Variants in PAN3 observed in about 807,000 individuals in gnomAD.
PAN3 encodes PAN2-PAN3 deadenylation complex subunit PAN3.
A neutral mutation model predicts 96.2 loss-of-function variants in PAN3; 19 were observed. The ratio of observed to expected loss-of-function variants is 0.20; its 90% CI spans 0.14 to 0.29. PAN3 has a LOEUF of 0.29. Among genes scored for constraint, PAN3 ranks in the 10% least tolerant of loss-of-function variants. The pLI is 1.00. For missense variants in PAN3, 882 were observed against 1,108.1 expected (o/e 0.80, Z 2.90); for synonymous variants, 433 against 406.6 (o/e 1.06, Z -0.78).
intron 1 of PAN3, among the ~76,000 whole-genome samples, chr13:28,156,992 CAAAA>C (rs35448291): frequency 6.5e-4 from 12 of 18,448 alleles, no homozygotes; most frequent in Non-Finnish European, 7.8e-4. Context: ...GAGACCCTGT[CAAAA>C]AAAAAAAAAA....
At chr13:28,200,713 T>A (rs1004087484) in intron 5 of PAN3, among the ~76,000 whole-genome samples, 2 of 152,206 alleles carry the variant, frequency 1.3e-5, no homozygotes, top group African/African-American at 4.8e-5. Flanking sequence ...AAGCTTAAAA[T>A]TTTTCTTAAT....
chr13:28,140,718 C>T (rs990771341), intron 1 of PAN3, among the ~76,000 whole-genome samples: 60 of 150,666 alleles, frequency 4.0e-4, no homozygotes, highest in Admixed American at 2.6e-3. Context: ...TCCTTTCTCT[C>T]TTCTTTCTTT....
At chr13:28,224,812 C>T (rs191252828) in intron 6 of PAN3, among the ~76,000 whole-genome samples, 6 of 152,100 alleles carry the variant, frequency 3.9e-5, no homozygotes, top group East Asian at 1.9e-4. Flanking sequence ...TTTGTAGAGA[C>T]GAGTTCTCAC....
chr13:28,161,336 G>A (rs1051561510), intron 1 of PAN3, among the ~76,000 whole-genome samples: 7 of 151,976 alleles, frequency 4.6e-5, no homozygotes, highest in African/African-American at 1.7e-4. Flanking sequence ...CTTAGCTTTT[G>A]GTTTGCTGAC....
chr13:28,194,264 C>G (rs1877690442), intron 4 of PAN3, among the ~76,000 whole-genome samples: 1 of 151,174 alleles, frequency 6.6e-6, no homozygotes, highest in East Asian at 1.9e-4. Flanking sequence ...GATATATGAC[C>G]TGGAATTTAG....
chr13:28,220,954 A>C (rs1033490216), intron 6 of PAN3, among the ~76,000 whole-genome samples: 2 of 152,110 alleles, frequency 1.3e-5, no homozygotes, highest in Non-Finnish European at 2.9e-5. Context: ...TCTGCCCATA[A>C]TGTACCCATA....
At chr13:28,161,129 T>G (rs1021249933) in intron 1 of PAN3, among the ~76,000 whole-genome samples, 4 of 152,250 alleles carry the variant, frequency 2.6e-5, no homozygotes, top group African/African-American at 9.6e-5. Context: ...TGAAATATTT[T>G]TATTAACCTG....
chr13:28,149,198 TAA>T (rs548714425), intron 1 of PAN3, among the ~76,000 whole-genome samples: 1 of 151,600 alleles, frequency 6.6e-6, no homozygotes, highest in Non-Finnish European at 1.5e-5. Flanking sequence ...CTACTAAAAA[TAA>T]AAAAAATTAG....
intron 6 of PAN3, among the ~76,000 whole-genome samples, chr13:28,220,649 ATCTT>A (rs1331696649): frequency 6.6e-6 from 1 of 152,152 alleles, no homozygotes; most frequent in Admixed American, 6.5e-5. Flanking sequence ...GAAAAAATCT[ATCTT>A]TTTGTATTTC....
intron 17 of PAN3, among the ~76,000 whole-genome samples, chr13:28,282,270 G>A (rs751862748): frequency 6.6e-6 from 1 of 151,680 alleles, no homozygotes; most frequent in Non-Finnish European, 1.5e-5. Flanking sequence ...ATATACGTAA[G>A]TTACATTTCA....
At chr13:28,193,720 G>C (rs998470594) in intron 4 of PAN3, among the ~76,000 whole-genome samples, 2 of 129,526 alleles carry the variant, frequency 1.5e-5, no homozygotes, top group African/African-American at 5.9e-5. Context: ...TCCAGCCTGG[G>C]AGTGAGACCC....
intron 14 of PAN3, among the ~76,000 whole-genome samples, chr13:28,274,143 A>G (rs373339245): frequency 2.4e-4 from 37 of 152,276 alleles, no homozygotes; most frequent in African/African-American, 8.4e-4. Flanking sequence ...TCTAGTGGGC[A>G]ACACAGGGAG....
At chr13:28,243,357 G>A (rs1883857902) in intron 6 of PAN3, among the ~76,000 whole-genome samples, 6 of 152,076 alleles carry the variant, frequency 3.9e-5, no homozygotes, top group Admixed American at 3.9e-4. Context: ...TAATTCATGA[G>A]GCATTTATTC....
At chr13:28,194,757 A>G (rs971401378) in intron 4 of PAN3, among the ~76,000 whole-genome samples, 1 of 152,082 alleles carries the variant, frequency 6.6e-6, no homozygotes, top group Non-Finnish European at 1.5e-5. Context: ...GGCATGAGCC[A>G]CCGTTCCCGG....
chr13:28,167,009 G>T (rs1566151561), intron 1 of PAN3, among the ~76,000 whole-genome samples: 1 of 150,692 alleles, frequency 6.6e-6, no homozygotes, highest in Non-Finnish European at 1.5e-5. Flanking sequence ...TTCTTCCATT[G>T]TCTTGATGAA....
At chr13:28,169,015 C>CAA (rs1274385475) in intron 1 of PAN3, among the ~76,000 whole-genome samples, 4 of 119,368 alleles carry the variant, frequency 3.4e-5, no homozygotes, top group Non-Finnish European at 7.1e-5. Context: ...GACTCCGTCT[C>CAA]AAAAAAAAAA....
At chr13:28,191,022 C>T (rs1566172247) in intron 4 of PAN3, among the ~76,000 whole-genome samples, 1 of 152,134 alleles carries the variant, frequency 6.6e-6, no homozygotes. Context: ...AATAGAGGAT[C>T]AATAAGGGAA....
rs186212091 is a variant in PAN3 at position 28,149,453 on chromosome 13, A to G, written c.430+10366A>G. Among the ~76,000 whole-genome samples, 166 of 152,340 alleles carry G rather than the reference A, an allele frequency of 1.1e-3. 1 individual carries two copies. The highest frequency in any genetic ancestry group is 3.8e-3 in the African/African-American group (159 of 41,578). Reference sequence around the variant, plus strand: ...TGCCCCGGTAAAATTTTTCTCCCCAATGGCTCACATATCTAGAAATAGTTA... The same window carrying G: ...TGCCCCGGTAAAATTTTTCTCCCCAGTGGCTCACATATCTAGAAATAGTTA... On this transcript the variant is annotated intron_variant, in intron 1 of 18. Transcript: ENST00000380958.
intron 12 of PAN3, among the ~76,000 whole-genome samples, chr13:28,269,915 G>C (rs1197303450): frequency 6.6e-6 from 1 of 151,834 alleles, no homozygotes; most frequent in Non-Finnish European, 1.5e-5. Context: ...ATTCACAAAA[G>C]GTTGTTTTAC....
Sources: allele counts gnomAD v4.1 joint callset (sites outside exome capture counted in the v4.1 genomes callset), GRCh38; gene constraint gnomAD v4.1.1; transcripts MANE v1.5; gene names NCBI Gene and HGNC (gene_info 2026-07-23, HGNC 2026-07-21).